WNK3: variants seen among roughly 807,000 people sequenced by gnomAD.
WNK3 encodes the protein serine/threonine-protein kinase WNK3.
In WNK3, 18 loss-of-function variants were observed where a neutral mutation model predicts 116.7. That is an observed-to-expected ratio of 0.15 (90% confidence interval 0.11 to 0.23). The LOEUF (loss-of-function observed/expected upper bound fraction) is 0.23. Ranked by LOEUF, WNK3 falls within the 10% of genes least tolerant of loss-of-function variation. The pLI, the probability that WNK3 is intolerant of heterozygous loss-of-function variation, is 1.00. For missense variants in WNK3, 993 were observed against 1,323.8 expected (o/e 0.75, Z 3.88); for synonymous variants, 404 against 469.4 (o/e 0.86, Z 1.80).
intron 17 of WNK3, among the ~76,000 whole-genome samples, chrX:54,241,417 T>C (rs1557151536): frequency 9.0e-6 from 1 of 111,557 alleles, no homozygotes; most frequent in African/African-American, 3.3e-5. Context: ...AAGAAAATAC[T>C]AAACTCGGCA....
At chrX:54,242,597 G>C (rs1324712956) in intron 17 of WNK3, among the ~76,000 whole-genome samples, 2 of 112,343 alleles carry the variant, frequency 1.8e-5, no homozygotes, top group East Asian at 5.5e-4. Context: ...GTGATGAATT[G>C]AATTAGTCCA....
chrX:54,234,562 C>T (rs2067940087), intron 20 of WNK3, among the ~76,000 whole-genome samples: 1 of 112,068 alleles, frequency 8.9e-6, no homozygotes, highest in African/African-American at 3.2e-5. Flanking sequence ...TGCAATGGCT[C>T]ACGCCTGTAA....
At chrX:54,335,918 C>A (rs1557175274) in intron 1 of WNK3, among the ~76,000 whole-genome samples, 3 of 111,933 alleles carry the variant, frequency 2.7e-5, no homozygotes, top group Non-Finnish European at 5.6e-5. Context: ...ATGGTTCTGG[C>A]ATAAGAATAG....
chrX:54,291,291 C>T (rs1235893087), intron 10 of WNK3, among the ~76,000 whole-genome samples: 3 of 110,135 alleles, frequency 2.7e-5, no homozygotes, highest in Non-Finnish European at 5.7e-5. Flanking sequence ...CCAGCCTGGG[C>T]GACATAATGA....
intron 11 of WNK3, among the ~76,000 whole-genome samples, chrX:54,258,706 GAA>G (rs145133745): frequency 0.2 from 20,340 of 104,306 alleles, 2,964 homozygotes; most frequent in African/African-American, 0.5. Context: ...TGAGGCAAAT[GAA>G]AAAAAACCAA....
chrX:54,246,995 T>C (rs2068079870), intron 17 of WNK3, among the ~76,000 whole-genome samples: 1 of 111,931 alleles, frequency 8.9e-6, no homozygotes, highest in South Asian at 3.7e-4. Flanking sequence ...AAAATTCTGA[T>C]CCTACCATCT....
exon 14 of WNK3, chrX:54,251,539 C>T (rs782505998): frequency 2.2e-5 from 27 of 1,210,401 alleles, no homozygotes; most frequent in Non-Finnish European, 3.0e-5. Flanking sequence ...CACCTGGCTA[C>T]TGTTGGAGTC....
intron 1 of WNK3, among the ~76,000 whole-genome samples, chrX:54,354,943 G>A (rs913643489): frequency 2.7e-5 from 3 of 110,341 alleles, no homozygotes; most frequent in African/African-American, 9.9e-5. Context: ...AATAAGCCAG[G>A]CATGGTGCCA....
At chrX:54,265,807 G>C (rs1157846786) in intron 10 of WNK3, among the ~76,000 whole-genome samples, 1 of 112,869 alleles carries the variant, frequency 8.9e-6, no homozygotes, top group Non-Finnish European at 1.9e-5. Context: ...ACTTTGGAAG[G>C]CCAAGGCAGG....
At chrX:54,239,259 G>A (rs1057285603) in intron 17 of WNK3, among the ~76,000 whole-genome samples, 160 bp from the exon 18 acceptor site, 13 of 107,338 alleles carry the variant, frequency 1.2e-4, no homozygotes, top group African/African-American at 4.1e-4. Flanking sequence ...CCAAAATAGA[G>A]TATTACGTAT....
chrX:54,298,954 T>C (rs782408505), intron 6 of WNK3, among the ~76,000 whole-genome samples: 1 of 112,330 alleles, frequency 8.9e-6, no homozygotes, highest in South Asian at 3.7e-4. Context: ...TGGGTGAAGC[T>C]AATGTGGTTC....
intron 12 of WNK3, among the ~76,000 whole-genome samples, chrX:54,255,311 A>AAAC (rs2068179882): frequency 9.0e-6 from 1 of 111,646 alleles, no homozygotes; most frequent in Non-Finnish European, 1.9e-5. Context: ...CTTCATTTGT[A>AAAC]AAGATGAGTA....
chrX:54,328,606 TA>T (rs1304074802), intron 2 of WNK3, among the ~76,000 whole-genome samples: 162 of 102,575 alleles, frequency 1.6e-3, no homozygotes, highest in Admixed American at 1.2e-3. Flanking sequence ...ACTTTGCCTT[TA>T]AAAAAAAAAA....
At chrX:54,252,277 TA>T (rs1826413720) in intron 13 of WNK3, among the ~76,000 whole-genome samples, 1 of 111,145 alleles carries the variant, frequency 9.0e-6, no homozygotes, top group Admixed American at 9.6e-5. Context: ...TGTCATTCTA[TA>T]AATTGGTTAT....
chrX:54,201,189 C>T (rs1557141557), intron 23 of WNK3, among the ~76,000 whole-genome samples: 1 of 111,174 alleles, frequency 9.0e-6, no homozygotes. Context: ...AGAATAAGGC[C>T]CAAATTCCAC....
At chrX:54,344,401 C>CT (rs1418029127) in intron 1 of WNK3, among the ~76,000 whole-genome samples, 2 of 110,392 alleles carry the variant, frequency 1.8e-5, no homozygotes, top group Non-Finnish European at 3.8e-5. Flanking sequence ...GATCGCGCCA[C>CT]TGCACTCCAG....
At chrX:54,312,784 C>T (rs2068903537) in intron 2 of WNK3, among the ~76,000 whole-genome samples, 2 of 111,236 alleles carry the variant, frequency 1.8e-5, no homozygotes, top group South Asian at 7.6e-4. Context: ...TTTTCTTCAT[C>T]AGGTACATTA....
intron 2 of WNK3, among the ~76,000 whole-genome samples, chrX:54,314,338 C>G (rs1353636150): frequency 9.0e-6 from 1 of 111,015 alleles, no homozygotes; most frequent in Non-Finnish European, 1.9e-5. Context: ...TTAACTCTAC[C>G]TGACAATCTG....
chrX:54,337,697 C>A (rs1460937077), intron 1 of WNK3, among the ~76,000 whole-genome samples: 2 of 107,908 alleles, frequency 1.9e-5, no homozygotes, highest in Non-Finnish European at 3.8e-5. Context: ...CAGAGGTTGT[C>A]GTGAGCCGAG....
Sources: allele counts gnomAD v4.1 joint callset (sites outside exome capture counted in the v4.1 genomes callset), GRCh38; gene constraint gnomAD v4.1.1; transcripts MANE v1.5; gene names NCBI Gene and HGNC (gene_info 2026-07-23, HGNC 2026-07-21).